The following APH1B variants were observed in gnomAD, a reference collection of about 807,000 sequenced individuals.
APH1B encodes the protein aph-1B gamma-secretase subunit.
A neutral mutation model predicts 28.2 loss-of-function variants in APH1B; 27 were observed. The observed-to-expected ratio is 0.96, with a 90% CI of 0.70 to 1.32. APH1B has a LOEUF of 1.32. Ranked by LOEUF, APH1B falls within the 40% of genes most tolerant of loss-of-function variation. APH1B has a pLI of 0.00. For missense variants in APH1B, 305 were observed against 313.6 expected, an observed-to-expected ratio of 0.97 and a Z score of 0.21; for synonymous variants, 141 against 124.6, an observed-to-expected ratio of 1.13 and a Z score of -0.88.
intron 4 of APH1B, among the ~76,000 whole-genome samples, chr15:63,298,804 C>G (rs925226667): frequency 5.3e-5 from 8 of 151,610 alleles, no homozygotes; most frequent in Non-Finnish European, 1.0e-4. Context: ...CGCAGTGGAG[C>G]TGGGATTCTA....
At chr15:63,293,136 T>G (rs2038523152) in intron 4 of APH1B, among the ~76,000 whole-genome samples, 1 of 152,094 alleles carries the variant, frequency 6.6e-6, no homozygotes, top group African/African-American at 2.4e-5. Context: ...TGCCTTTATT[T>G]TTAGTTATTT....
At chr15:63,282,184 C>G (rs1349241420) in intron 2 of APH1B, among the ~76,000 whole-genome samples, 1 of 152,132 alleles carries the variant, frequency 6.6e-6, no homozygotes, top group African/African-American at 2.4e-5. Flanking sequence ...CTCTCTTATT[C>G]TATATTGCAT....
At chr15:63,294,134 G>A (rs542343574) in intron 4 of APH1B, among the ~76,000 whole-genome samples, 23 of 151,726 alleles carry the variant, frequency 1.5e-4, no homozygotes, top group Non-Finnish European at 3.1e-4. Flanking sequence ...GCCACAGTGA[G>A]CAGGATACCA....
At chr15:63,296,552 G>T (rs2038570119) in intron 4 of APH1B, among the ~76,000 whole-genome samples, 1 of 152,212 alleles carries the variant, frequency 6.6e-6, no homozygotes, top group African/African-American at 2.4e-5. Context: ...CATCGGGAAT[G>T]AGGGAAAGGA....
intron 2 of APH1B, among the ~76,000 whole-genome samples, chr15:63,281,731 G>T (rs998155953): frequency 1.3e-5 from 2 of 151,504 alleles, no homozygotes; most frequent in African/African-American, 4.9e-5. Flanking sequence ...AAGGACTGTA[G>T]CTGAACATAG....
In APH1B at chr15:63,305,755, C is replaced by A; in HGVS notation, c.748C>A (p.Leu250Ile). 1 of 1,614,150 alleles carries A rather than the reference C, an allele frequency of 6.2e-7. No homozygotes were observed. The highest frequency in any genetic ancestry group is 8.5e-7 in the Non-Finnish European group (1 of 1,180,028). The change falls in exon 6 of 6, where the codon CTT (leucine) becomes ATT (isoleucine). Residue 250 changes from leucine to isoleucine, a missense_variant. Coordinates refer to ENST00000261879, the MANE Select transcript of APH1B (RefSeq NM_031301.4). Reference sequence around the variant, plus strand: ...CCTGCTCTGCCAAGACAAGAACTTTCTTCTTTACAACCAGCGCTCCAGATA... The same window carrying A: ...CCTGCTCTGCCAAGACAAGAACTTTATTCTTTACAACCAGCGCTCCAGATA... ...LCLLCQDKNF[L>I]LYNQRSR
chr15:63,303,182 G>C (rs2038650684), intron 5 of APH1B, among the ~76,000 whole-genome samples: 1 of 152,158 alleles, frequency 6.6e-6, no homozygotes, highest in South Asian at 2.1e-4. Context: ...AATTTTCACA[G>C]TGTGAACACA....
intron 4 of APH1B, among the ~76,000 whole-genome samples, chr15:63,290,709 T>C (rs543326768): frequency 3.8e-4 from 58 of 152,320 alleles, no homozygotes; most frequent in African/African-American, 1.3e-3. Context: ...GTATAGTTAT[T>C]TGTTGAATGT....
chr15:63,287,754 C>T (rs1050664486), intron 4 of APH1B, among the ~76,000 whole-genome samples: 3 of 152,120 alleles, frequency 2.0e-5, no homozygotes, highest in East Asian at 1.9e-4. Flanking sequence ...ATTTAGCTTG[C>T]GTAAAATTTT....
intron 4 of APH1B, among the ~76,000 whole-genome samples, chr15:63,290,907 G>C (rs1412424881): frequency 6.6e-6 from 1 of 151,832 alleles, no homozygotes; most frequent in African/African-American, 2.4e-5. Flanking sequence ...TTTACTTAAA[G>C]GGTGAATAAT....
chr15:63,278,922 T>C (rs7163368), intron 1 of APH1B, among the ~76,000 whole-genome samples: 43,222 of 152,042 alleles, frequency 0.28, 6,688 homozygotes, highest in East Asian at 0.48. Flanking sequence ...AGCAGGGTCA[T>C]TGAAAAAAGT....
chr15:63,286,624 C>T lies in APH1B; in HGVS notation c.351C>T (p.Ala117=), dbSNP rs1416678793. The change falls in exon 3 of 6, where the codon GCC becomes GCT. Residue 117 remains alanine, a synonymous_variant. Transcript: ENST00000261879. ...CAGCACCCTCTATGCGACTGCTGGCCTATGGTAAGTTAGAACCACATGGTT... is the reference window on the plus strand; with the variant it reads ...CAGCACCCTCTATGCGACTGCTGGCTTATGGTAAGTTAGAACCACATGGTT... ...GETAPSMRLL[A]YVSGLGFGIM... 6.2e-7 allele frequency: 1 copy of T among 1,603,262 alleles called. No individual in the cohort carries two copies. The highest frequency in any genetic ancestry group is 8.5e-7 in the Non-Finnish European group (1 of 1,176,258).
chr15:63,298,285 G>A (rs781463643), intron 4 of APH1B, among the ~76,000 whole-genome samples: 3 of 152,026 alleles, frequency 2.0e-5, no homozygotes, highest in African/African-American at 4.8e-5. Flanking sequence ...ATGATGGCTC[G>A]TGTAGCCTCA....
chr15:63,285,390 A>T (rs1388633896), intron 2 of APH1B, among the ~76,000 whole-genome samples: 1 of 152,240 alleles, frequency 6.6e-6, no homozygotes, highest in African/African-American at 2.4e-5. Context: ...AATCATTTTT[A>T]AAATGTTTTG....
chr15:63,291,780 T>G (rs2038508989), intron 4 of APH1B: 1 of 152,238 alleles, frequency 6.6e-6, no homozygotes, highest in Non-Finnish European at 1.5e-5. Context: ...GTGGTTATGA[T>G]GTAAGTTAGA....
chr15:63,281,237 C>T (rs1009050690), intron 2 of APH1B, among the ~76,000 whole-genome samples: 6 of 152,130 alleles, frequency 3.9e-5, no homozygotes, highest in African/African-American at 7.2e-5. Flanking sequence ...AATTATCTCC[C>T]TTTCAAGAAT....
intron 4 of APH1B, among the ~76,000 whole-genome samples, chr15:63,293,624 A>T (rs1329646641): frequency 6.6e-6 from 1 of 151,460 alleles, no homozygotes; most frequent in African/African-American, 2.4e-5. Context: ...CAGCCTTCTG[A>T]GTAGCTGGGA....
At chr15:63,278,450 C>G (rs2038349804) in intron 1 of APH1B, 2 of 412,704 alleles carry the variant, frequency 4.8e-6, no homozygotes. Flanking sequence ...CTCTTGGCAC[C>G]AGACTAGGCC....
intron 4 of APH1B, among the ~76,000 whole-genome samples, chr15:63,295,964 A>G (rs1217723710): frequency 2.9e-4 from 44 of 152,202 alleles, no homozygotes; most frequent in Admixed American, 2.9e-3. Flanking sequence ...GTGTTTCATA[A>G]TTCTTCAGCA....
Sources: allele counts gnomAD v4.1 joint callset (sites outside exome capture counted in the v4.1 genomes callset), GRCh38; gene constraint gnomAD v4.1.1; transcripts MANE v1.5; gene names NCBI Gene and HGNC (gene_info 2026-07-23, HGNC 2026-07-21).